TNFRSF11A: variants seen among roughly 807,000 people sequenced by gnomAD.
The protein encoded by TNFRSF11A is TNF receptor superfamily member 11a.
In TNFRSF11A, 32 loss-of-function variants were observed where a neutral mutation model predicts 55.7. The ratio of observed to expected loss-of-function variants is 0.57; its 90% CI spans 0.43 to 0.77. The LOEUF (loss-of-function observed/expected upper bound fraction) is 0.77, where lower values mean the gene tolerates loss of function less well. Among genes scored for constraint, TNFRSF11A ranks in the 30% least tolerant of loss-of-function variants. TNFRSF11A has a pLI of 0.00. For missense variants in TNFRSF11A, 753 were observed against 809.8 expected, an observed-to-expected ratio of 0.93 and a Z score of 0.85; for synonymous variants, 311 against 331.0, an observed-to-expected ratio of 0.94 and a Z score of 0.65.
intron 9 of TNFRSF11A, among the ~76,000 whole-genome samples, chr18:62,384,160 G>T (rs564445741): frequency 6.6e-6 from 1 of 152,218 alleles, no homozygotes; most frequent in Non-Finnish European, 1.5e-5. Context: ...TCTCTTGCCA[G>T]TATCCCAGAG....
chr18:62,353,609 T>G (rs1468734351), intron 3 of TNFRSF11A, among the ~76,000 whole-genome samples: 1 of 152,192 alleles, frequency 6.6e-6, no homozygotes, highest in Non-Finnish European at 1.5e-5. Flanking sequence ...ATAAATTTTA[T>G]TGAGCAGGTG....
At chr18:62,373,093 G>C (rs971796434) in intron 9 of TNFRSF11A, 1 of 152,188 alleles carries the variant, frequency 6.6e-6, no homozygotes, top group African/African-American at 2.4e-5. Flanking sequence ...ATGAATCTTG[G>C]GGTCTTTCTC....
intron 2 of TNFRSF11A, among the ~76,000 whole-genome samples, chr18:62,349,593 T>G (rs1055081179): frequency 1.3e-5 from 2 of 152,178 alleles, no homozygotes; most frequent in African/African-American, 4.8e-5. Flanking sequence ...GTGGGGTTAT[T>G]TCAGCCAGCT....
Position 62,369,067 on chromosome 18 carries a change from G to A in TNFRSF11A, c.1150G>A (p.Asp384Asn), listed in dbSNP as rs1226847862. The A allele has an allele frequency of 5.0e-6, 8 of 1,614,046 alleles. No individual in the cohort carries two copies. The African/African-American group carries it at 9.3e-5, about 19-fold the overall frequency. ...FSEPLEVGENDSLSQCFTGTQ... is the reference protein window; with the variant it reads ...FSEPLEVGENNSLSQCFTGTQ... ...TGAACCCCTGGAGGTGGGGGAGAAT[G>A]ACAGTTTAAGCCAGTGCTTCACGGG... The change falls in exon 9 of 10, where the codon GAC (aspartate) becomes AAC (asparagine). Residue 384 changes from aspartate to asparagine, a missense_variant. Asp to Asn is a conservative substitution (Grantham distance 23, BLOSUM62 1). Coordinates refer to ENST00000586569, the MANE Select transcript of TNFRSF11A (RefSeq NM_003839.4).
chr18:62,384,142 T>G (rs77143703), intron 9 of TNFRSF11A, among the ~76,000 whole-genome samples: 12,963 of 152,198 alleles, frequency 0.085, 732 homozygotes, highest in African/African-American at 0.15. Flanking sequence ...TCTGTAATCT[T>G]GGTGTGCTCT....
In TNFRSF11A at chr18:62,385,343, TGG is replaced by T. The variant is rs552069161; in HGVS notation, c.*319_*320del. 9.9e-3 allele frequency: 1,620 copies of T among 162,962 alleles called. 2 individuals are homozygous for T. The highest frequency in any genetic ancestry group is 0.016 in the Non-Finnish European group (1,249 of 80,446). The allele number at this position is 162,962 out of a possible 1,614,324, so 10.1% of individuals were successfully genotyped here. On this transcript the variant is annotated 3_prime_UTR_variant, in exon 10 of 10. Coordinates refer to ENST00000586569, the MANE Select transcript of TNFRSF11A (RefSeq NM_003839.4). ...CTATTTTTATGACTATCCTGTTCTG[TGG>T]GGGGGGGGGTCTGTTTTCCCCCCAT...
intron 1 of TNFRSF11A, among the ~76,000 whole-genome samples, chr18:62,326,903 G>A (rs909455408): frequency 1.3e-5 from 2 of 152,098 alleles, no homozygotes; most frequent in Admixed American, 1.3e-4. Flanking sequence ...CAGACTAACA[G>A]GAGAAAAACT....
Position 62,341,166 on chromosome 18 carries a change from G to A in TNFRSF11A, c.76-7002G>A, listed in dbSNP as rs143063614. ...CAGACGGACTGAGTAAACTGTGTCTGCCTTCACCCAAGTGTGGCTCGTGGA... is the reference window on the plus strand; with the variant it reads ...CAGACGGACTGAGTAAACTGTGTCTACCTTCACCCAAGTGTGGCTCGTGGA... On this transcript the variant is annotated intron_variant, in intron 1 of 9. Coordinates refer to ENST00000586569, the MANE Select transcript of TNFRSF11A (RefSeq NM_003839.4). Among the ~76,000 whole-genome samples the A allele has an allele frequency of 3.5e-3, 538 of 152,322 alleles. 17 individuals carry two copies. The highest frequency in any genetic ancestry group is 0.032 in the Admixed American group (487 of 15,292).
At position 62,385,529 on chromosome 18, in the gene TNFRSF11A, T is replaced by G. The variant is rs1600435456; in HGVS notation, c.*495T>G. On this transcript the variant is annotated 3_prime_UTR_variant, in exon 10 of 10. Transcript: ENST00000586569. ...AACCTGGCTCTGGCCCAGGCTAGAG[T>G]GCAGTGGTGCGATTATAGCCCGGTG... 1 of 152,158 alleles carries G rather than the reference T, an allele frequency of 6.6e-6. No homozygotes were observed. The highest frequency in any genetic ancestry group is 1.5e-5 in the Non-Finnish European group (1 of 68,256). 9.4% of individuals were successfully genotyped at this position (152,158 alleles called of 1,614,324 possible). A position where few individuals can be genotyped will look rare whatever the true frequency, so the allele number is the denominator to read the frequency against.
At chr18:62,356,049 G>A (rs7236060) in intron 4 of TNFRSF11A, among the ~76,000 whole-genome samples, 103,964 of 151,562 alleles carry the variant, frequency 0.69, 35,848 homozygotes, top group African/African-American at 0.71. Flanking sequence ...GAAAGTAAAG[G>A]AATAGAAATC....
chr18:62,333,782 G>A (rs2046190204), intron 1 of TNFRSF11A, among the ~76,000 whole-genome samples: 3 of 152,178 alleles, frequency 2.0e-5, no homozygotes, highest in Admixed American at 2.0e-4. Flanking sequence ...TGGTATTTGG[G>A]GACACCCATG....
chr18:62,361,314 G>T (rs1013536607), intron 6 of TNFRSF11A, among the ~76,000 whole-genome samples: 2 of 152,158 alleles, frequency 1.3e-5, no homozygotes, highest in Non-Finnish European at 2.9e-5. Flanking sequence ...AGAGATAGAA[G>T]AAGCTCCTTT....
At chr18:62,373,545 C>A (rs1160657557) in intron 9 of TNFRSF11A, among the ~76,000 whole-genome samples, 1 of 152,228 alleles carries the variant, frequency 6.6e-6, no homozygotes, top group Admixed American at 6.5e-5. Flanking sequence ...CTTATACACT[C>A]ATTCATTCAT....
At chr18:62,376,323 G>A (rs1416634414) in intron 9 of TNFRSF11A, among the ~76,000 whole-genome samples, 5 of 122,054 alleles carry the variant, frequency 4.1e-5, no homozygotes, top group African/African-American at 1.6e-4. Context: ...GTCAAATAAA[G>A]GTCAGAGGCA....
At chr18:62,351,350 G>T (rs1357557293) in intron 3 of TNFRSF11A, among the ~76,000 whole-genome samples, 1 of 152,176 alleles carries the variant, frequency 6.6e-6, no homozygotes, top group South Asian at 2.1e-4. Flanking sequence ...TTATAAATTG[G>T]TTGTTAGCTC....
At chr18:62,349,723 T>C (rs2046437188) in intron 2 of TNFRSF11A, 89 bp from the exon 3 acceptor site, 1 of 1,486,076 alleles carries the variant, frequency 6.7e-7, no homozygotes, top group Non-Finnish European at 9.3e-7. Flanking sequence ...GTCCCATAGA[T>C]GGGTGCAATT....
chr18:62,328,854 G>T (rs1336897452), intron 1 of TNFRSF11A, among the ~76,000 whole-genome samples: 2 of 152,174 alleles, frequency 1.3e-5, no homozygotes, highest in African/African-American at 4.8e-5. Context: ...TGGCAAACCT[G>T]TAATAGGAAC....
At chr18:62,370,285 T>C (rs1910442230) in intron 9 of TNFRSF11A, among the ~76,000 whole-genome samples, 1 of 152,168 alleles carries the variant, frequency 6.6e-6, no homozygotes, top group African/African-American at 2.4e-5. Context: ...TTAACTGTCA[T>C]TTGAAGGGTC....
intron 1 of TNFRSF11A, among the ~76,000 whole-genome samples, chr18:62,344,808 G>C (rs1362183549): frequency 1.3e-5 from 2 of 152,172 alleles, no homozygotes; most frequent in African/African-American, 4.8e-5. Context: ...GACTGGGAGG[G>C]GCAGGGACAG....
Sources: gnomAD v4.1 joint callset for allele counts (sites outside exome capture counted in the v4.1 genomes callset) on GRCh38, gnomAD v4.1.1 for gene constraint, MANE v1.5 for transcripts, NCBI Gene and HGNC (gene_info 2026-07-23, HGNC 2026-07-21) for gene names.